The following CCBE1 variants were observed in gnomAD, a reference collection of about 807,000 sequenced individuals.
CCBE1 encodes the protein collagen and calcium binding EGF domains 1, also known as collagen and calcium-binding EGF domain-containing protein 1.
A neutral mutation model predicts 50.0 loss-of-function variants in CCBE1; 37 were observed. The ratio of observed to expected loss-of-function variants is 0.74; its 90% CI spans 0.57 to 0.97. CCBE1 has a LOEUF of 0.97. Ranked by LOEUF, CCBE1 falls within the 50% of genes least tolerant of loss-of-function variation. The pLI is 0.00. For missense variants in CCBE1, 538 were observed against 523.8 expected (o/e 1.03, Z -0.26); for synonymous variants, 234 against 203.7 (o/e 1.15, Z -1.27).
chr18:59,458,191 C>CCCTT (rs1911294337), intron 5 of CCBE1, among the ~76,000 whole-genome samples: 1 of 151,896 alleles, frequency 6.6e-6, no homozygotes. Flanking sequence ...CATCCATCTT[C>CCCTT]CCATCCATTC....
chr18:59,680,154 G>A (rs765726005), intron 2 of CCBE1, among the ~76,000 whole-genome samples: 3 of 151,912 alleles, frequency 2.0e-5, no homozygotes, highest in Non-Finnish European at 2.9e-5. Flanking sequence ...TCAGGAGGAA[G>A]AGATTGCAGT....
At chr18:59,600,801 CT>C (rs1346543425) in intron 2 of CCBE1, among the ~76,000 whole-genome samples, 4 of 152,224 alleles carry the variant, frequency 2.6e-5, no homozygotes, top group African/African-American at 7.2e-5. Context: ...GGTCCTGATT[CT>C]TCAGTTAGCA....
intron 2 of CCBE1, among the ~76,000 whole-genome samples, chr18:59,649,163 GA>G (rs1308511997): frequency 6.6e-6 from 1 of 152,214 alleles, no homozygotes; most frequent in Non-Finnish European, 1.5e-5. Context: ...CCAGACATGA[GA>G]AACTTTCATC....
At chr18:59,527,624 T>G (rs1381378850) in intron 2 of CCBE1, among the ~76,000 whole-genome samples, 1 of 152,134 alleles carries the variant, frequency 6.6e-6, no homozygotes, top group East Asian at 1.9e-4. Context: ...GTAGTAATGT[T>G]TTTTCCTTTC....
chr18:59,500,969 T>C (rs540987367), intron 2 of CCBE1, among the ~76,000 whole-genome samples: 3 of 152,234 alleles, frequency 2.0e-5, no homozygotes, highest in South Asian at 4.2e-4. Context: ...CACCCACACA[T>C]TGGTTCTGTG....
chr18:59,553,983 C>T (rs11874120), intron 2 of CCBE1, among the ~76,000 whole-genome samples: 15,934 of 152,108 alleles, frequency 0.1, 938 homozygotes, highest in African/African-American at 0.16. Context: ...GATCAATGTT[C>T]GAATTAATGA....
At position 59,697,417 on chromosome 18, in the gene CCBE1, C is replaced by G. The variant is rs1294710124; in HGVS notation, c.-75G>C. 6.0e-6 allele frequency: 9 copies of G among 1,503,040 alleles called. No individual in the cohort carries two copies. The Admixed American group carries it at 1.7e-4, about 28-fold the overall frequency. The allele number at this position is 1,503,040 out of a possible 1,614,324, so 93.1% of individuals were successfully genotyped here. A position where few individuals can be genotyped will look rare whatever the true frequency, so the allele number is the denominator to read the frequency against. On this transcript the variant is annotated 5_prime_UTR_variant, in exon 1 of 11. Transcript: ENST00000439986. ...CGTCCTGCTCCTCCGCGGCCGCCGC[C>G]GCCTTCCCTCTTCCCGGCAGGGGGC... is the stretch of plus-strand genomic sequence containing the variant.
At chr18:59,500,018 T>G (rs1913541962) in intron 2 of CCBE1, among the ~76,000 whole-genome samples, 1 of 152,154 alleles carries the variant, frequency 6.6e-6, no homozygotes, top group African/African-American at 2.4e-5. Flanking sequence ...AGGGTCCACT[T>G]CTGGAAGACC....
chr18:59,463,274 G>A (rs943836408), intron 5 of CCBE1, among the ~76,000 whole-genome samples: 7 of 152,166 alleles, frequency 4.6e-5, no homozygotes, highest in Admixed American at 1.3e-4. Context: ...CCTTGTCACT[G>A]CACTCTGACC....
intron 10 of CCBE1, 31 bp downstream of exon 10, chr18:59,438,080 C>T: frequency 6.2e-7 from 1 of 1,613,312 alleles, no homozygotes; most frequent in Non-Finnish European, 8.5e-7. Context: ...GAACGTTCCC[C>T]TGGGGAAGCA....
chr18:59,514,083 C>T (rs538363027), intron 2 of CCBE1, among the ~76,000 whole-genome samples: 2 of 152,302 alleles, frequency 1.3e-5, no homozygotes, highest in East Asian at 3.9e-4. Flanking sequence ...ATACACCACA[C>T]CATATGCCTA....
rs1235444501 is a variant in CCBE1 at position 59,697,357 on chromosome 18, G to A, written c.-15C>T. 6.5e-7 allele frequency: 1 copy of A among 1,544,584 alleles called. No individual in the cohort carries two copies. On this transcript the variant is annotated 5_prime_UTR_variant, in exon 1 of 11. Transcript: ENST00000439986. ...GGCGGCACCATCAGGGAAGCTCCCG[G>A]CTTCTTCCCAGCGCCGAGCTCCGTC...
chr18:59,449,409 G>A (rs1287365819), intron 6 of CCBE1, among the ~76,000 whole-genome samples: 1 of 150,642 alleles, frequency 6.6e-6, no homozygotes, highest in African/African-American at 2.5e-5. Context: ...ATCACTTGAG[G>A]TCAAGAGTTC....
intron 2 of CCBE1, among the ~76,000 whole-genome samples, chr18:59,690,740 T>TGA (rs1031281939): frequency 6.6e-6 from 1 of 152,248 alleles, no homozygotes; most frequent in Admixed American, 6.5e-5. Flanking sequence ...ATTGTTTCTC[T>TGA]GAGAGTGAGT....
intron 2 of CCBE1, among the ~76,000 whole-genome samples, chr18:59,673,785 A>T (rs1265319268): frequency 6.6e-6 from 1 of 152,202 alleles, no homozygotes; most frequent in Non-Finnish European, 1.5e-5. Flanking sequence ...CATCCCAGGG[A>T]TGAAGCCAAC....
At chr18:59,667,974 C>T (rs936375252) in intron 2 of CCBE1, among the ~76,000 whole-genome samples, 2 of 151,838 alleles carry the variant, frequency 1.3e-5, no homozygotes, top group African/African-American at 2.4e-5. Flanking sequence ...CGGGACCTAT[C>T]GAGGGGTGGG....
chr18:59,545,119 A>G (rs1050084832), intron 2 of CCBE1, among the ~76,000 whole-genome samples: 1 of 152,240 alleles, frequency 6.6e-6, no homozygotes, highest in Admixed American at 6.5e-5. Flanking sequence ...CCTAGAGGGC[A>G]TAAAGAGAAA....
At chr18:59,470,250 A>C (rs1318446651) in intron 3 of CCBE1, among the ~76,000 whole-genome samples, 1 of 152,086 alleles carries the variant, frequency 6.6e-6, no homozygotes, top group Non-Finnish European at 1.5e-5. Context: ...ATCAGGCAAG[A>C]GTGTGTGTGC....
At position 59,469,507 on chromosome 18, in the gene CCBE1, C is replaced by T; in HGVS notation, c.366G>A (p.Glu122=). ...TCYPGYRYDR[E]RHRKREKPYC... is the part of the protein sequence containing the mutation. The stretch of plus-strand genomic sequence containing the variant: ...ATGGCTTCTCCCGCTTCCGGTGTCT[C>T]TCCCGGTCATATCGGTATCCCGGAT... Residue 122 remains glutamate, a synonymous_variant, in exon 4 of 11, where the codon GAG becomes GAA. Transcript: ENST00000439986. 1.9e-6 allele frequency: 3 copies of T among 1,614,208 alleles called. No individual in the cohort carries two copies. Among genetic ancestry groups the T allele is most frequent in the Non-Finnish European group, 2.5e-6 (3 of 1,180,030 alleles).
Sources: gnomAD v4.1 joint callset for allele counts (sites outside exome capture counted in the v4.1 genomes callset) on GRCh38, gnomAD v4.1.1 for gene constraint, MANE v1.5 for transcripts, NCBI Gene and HGNC (gene_info 2026-07-23, HGNC 2026-07-21) for gene names.